Variants in FCRL5 observed in about 807,000 individuals in gnomAD.
FCRL5 encodes Fc receptor like 5, also known as Fc receptor-like protein 5.
In FCRL5, 79 loss-of-function variants were observed where a neutral mutation model predicts 92.1. The ratio of observed to expected loss-of-function variants is 0.86; its 90% confidence interval spans 0.72 to 1.03. The LOEUF (loss-of-function observed/expected upper bound fraction) is 1.03. FCRL5 is among the 50% of genes least tolerant of loss of function. FCRL5 has a pLI of 0.00. For synonymous variants in FCRL5, 466 were observed against 469.3 expected, an observed-to-expected ratio of 0.99 and a Z score of 0.09; for missense variants, 1,160 against 1,181.1, an observed-to-expected ratio of 0.98 and a Z score of 0.26.
chr1:157,552,308 C>T (rs1651857070), intron 1 of FCRL5, 24 bp downstream of exon 1: 2 of 1,613,236 alleles, frequency 1.2e-6, no homozygotes, highest in South Asian at 2.2e-5. Context: ...CCACCCAGGG[C>T]CCATGGTGAG....
rs767516344 is a variant in FCRL5, at chr1:157,527,860, G to A, written c.1717C>T (p.Pro573Ser). 91 of 1,606,290 alleles carry A rather than the reference G, an allele frequency of 5.7e-5. No homozygotes were observed. The highest frequency in any genetic ancestry group is 3.3e-4 in the Middle Eastern group (2 of 6,024). The change falls in exon 9 of 17, where the codon CCC (proline) becomes TCC (serine). Residue 573 changes from proline (P) to serine (S), a missense_variant. By Grantham distance (74) the Pro-to-Ser change is moderately conservative. Transcript: ENST00000361835. Reference sequence around the variant, plus strand: ...TCCCCCACCACAGCCTGGGCCCTGGGAACCCTGAGGGTGAGGATGGGGCGA... The same window carrying A: ...TCCCCCACCACAGCCTGGGCCCTGGAAACCCTGAGGGTGAGGATGGGGCGA... ...VSRPILTLRV[P>S]RAQAVVGDLL...
intron 12 of FCRL5, 146 bp downstream of exon 12, chr1:157,520,285 G>A: frequency 1.6e-6 from 1 of 632,616 alleles, no homozygotes; most frequent in Non-Finnish European, 2.8e-6. Context: ...CAATTCGGGA[G>A]GACCCAGCGG....
chr1:157,516,917 C>T (rs530461912), intron 15 of FCRL5, among the ~76,000 whole-genome samples: 28 of 152,308 alleles, frequency 1.8e-4, no homozygotes, highest in African/African-American at 6.3e-4. Flanking sequence ...CAGCGCATAC[C>T]TCAAAGGGGC....
chr1:157,524,687 A>G, intron 9 of FCRL5, 130 bp from the exon 10 acceptor site: 2 of 1,032,314 alleles, frequency 1.9e-6, no homozygotes, highest in South Asian at 3.7e-5. Context: ...AAAACTCAGC[A>G]ATATTTTCAG....
At chr1:157,524,722 G>A (rs1363674418) in intron 9 of FCRL5, among the ~76,000 whole-genome samples, 165 bp from the exon 10 acceptor site, 1 of 152,234 alleles carries the variant, frequency 6.6e-6, no homozygotes, top group Non-Finnish European at 1.5e-5. Context: ...CAACATTTGT[G>A]TAGTGCTATA....
chr1:157,541,329 A>C (rs1258700133), intron 6 of FCRL5, among the ~76,000 whole-genome samples: 1 of 152,120 alleles, frequency 6.6e-6, no homozygotes, highest in Non-Finnish European at 1.5e-5. Flanking sequence ...TCTATGACTC[A>C]TTTCTCACTG....
At chr1:157,524,632 G>T in intron 9 of FCRL5, 75 bp from the exon 10 acceptor site, 1 of 1,454,362 alleles carries the variant, frequency 6.9e-7, no homozygotes, top group Non-Finnish European at 9.2e-7. Flanking sequence ...CATTTCAAAT[G>T]GAAGAATGTT....
chr1:157,549,454 C>A, intron 2 of FCRL5, 106 bp downstream of exon 2: 5 of 1,024,570 alleles, frequency 4.9e-6, no homozygotes, highest in East Asian at 2.5e-5. Flanking sequence ...GGAAAGAAAA[C>A]AGGAGATATT....
chr1:157,544,948 T>G lies in FCRL5; in HGVS notation c.442A>C (p.Arg148=), dbSNP rs1430192851. 1 of 1,614,246 alleles carries G rather than the reference T, an allele frequency of 6.2e-7. No individual in the cohort carries two copies. Among genetic ancestry groups the G allele is most frequent in the Admixed American group, 1.7e-5 (1 of 60,026 alleles). ...GCATGAGGAATATGGAAGTCAGTTC[T>G]TTTATTAAGGAATGCCAGGACATTA... is the stretch of plus-strand genomic sequence containing the variant. ...NDNVLAFLNK[R]TDFHIPHACL... The change falls in exon 4 of 17, where the codon AGA becomes CGA. Residue 148 remains arginine, a synonymous_variant. Transcript: ENST00000361835.
chr1:157,542,828 G>T lies in FCRL5; in HGVS notation c.1123+31C>A, dbSNP rs761331298. 5.6e-6 allele frequency: 9 copies of T among 1,596,024 alleles called. No homozygotes were observed. In the African/African-American group the frequency reaches 9.4e-5, roughly 17 times the overall value. On this transcript the variant is annotated intron_variant, in intron 6 of 16. Transcript: ENST00000361835. ...GGGTGAGGCAGGACTCTTGGCCAGG[G>T]GTGGGTGATTGGCAGGAATGCAGGG... is the stretch of plus-strand genomic sequence containing the variant.
Position 157,543,148 on chromosome 1 carries a change from G to T in FCRL5, c.845-11C>A. 1.2e-6 allele frequency: 2 copies of T among 1,607,546 alleles called. No individual in the cohort carries two copies. The highest frequency in any genetic ancestry group is 2.2e-5 in the South Asian group (2 of 90,482). On this transcript the variant is annotated splice_polypyrimidine_tract_variant and intron_variant, in intron 5 of 16. Coordinates refer to ENST00000361835, the MANE Select transcript of FCRL5 (RefSeq NM_031281.3). Reference sequence around the variant, plus strand: ...GATGAGATGCAGGGACTGAGCAAGAGAAAAAATTAGTCAAGAATTGCTTTT... The same window carrying T: ...GATGAGATGCAGGGACTGAGCAAGATAAAAAATTAGTCAAGAATTGCTTTT...
intron 3 of FCRL5, chr1:157,546,196 C>T (rs1383706833): frequency 4.6e-6 from 2 of 438,470 alleles, no homozygotes; most frequent in South Asian, 3.3e-5. Flanking sequence ...ACCTGTAATC[C>T]CAGCGCTTTG....
chr1:157,548,237 C>T (rs557820753), intron 2 of FCRL5, among the ~76,000 whole-genome samples: 28 of 152,336 alleles, frequency 1.8e-4, no homozygotes, highest in East Asian at 3.9e-4. Context: ...TATCCTGGCC[C>T]TTGGACGATG....
chr1:157,527,690 A>G lies in FCRL5; in HGVS notation c.1887T>C (p.Ser629=). The part of the protein sequence containing the change: ...SFNLSLTAEH[S]GNYSCEANNG... ...TGTTGGCCTCACATGAGTAGTTTCC[A>G]GAATGTTCTGCAGTCAGAGAGAGGT... The change falls in exon 9 of 17, where the codon TCT becomes TCC. Residue 629 remains serine, a synonymous_variant. Transcript: ENST00000361835. 1 of 1,614,218 alleles carries G rather than the reference A, an allele frequency of 6.2e-7. No homozygotes were observed. The highest frequency in any genetic ancestry group is 8.5e-7 in the Non-Finnish European group (1 of 1,180,012).
chr1:157,519,931 A>G (rs1650099216), intron 12 of FCRL5, among the ~76,000 whole-genome samples, 161 bp from the exon 13 acceptor site: 1 of 152,146 alleles, frequency 6.6e-6, no homozygotes, highest in South Asian at 2.1e-4. Flanking sequence ...GGCAAAAACT[A>G]CTGACCCTGC....
rs1402543766 is a variant in FCRL5 at position 157,518,693 on chromosome 1, G to A, written c.2743+7C>T. 5 of 1,608,356 alleles carry A rather than the reference G, an allele frequency of 3.1e-6. No homozygotes were observed. The highest frequency in any genetic ancestry group is 1.3e-5 in the African/African-American group (1 of 74,688). ...CTTCTGCCAAATGCAGGATCCTCGG[G>A]CCTCACCATTAGTGTACACTGGTTG... On this transcript the variant is annotated splice_region_variant and intron_variant, in intron 14 of 16. Transcript: ENST00000361835.
rs201681764 is a variant in FCRL5, at chr1:157,519,742, C to T, written c.2660+1G>A. On this transcript the variant is annotated splice_donor_variant, in intron 13 of 16. Coordinates refer to ENST00000361835, the MANE Select transcript of FCRL5 (RefSeq NM_031281.3). LOFTEE classifies it high-confidence loss of function. ...ACACAGGAATGCAGCTCAGCTCTTA[C>T]CTGGCGGGGTCAGAGGCAGGCTTTC... The T allele has an allele frequency of 3.9e-5, 63 of 1,614,024 alleles. 1 individual carries two copies. In the East Asian group the frequency reaches 1.4e-3, roughly 35 times the overall value.
chr1:157,549,382 A>C (rs1177368840), intron 2 of FCRL5, among the ~76,000 whole-genome samples, 178 bp downstream of exon 2: 4 of 152,120 alleles, frequency 2.6e-5, no homozygotes, highest in African/African-American at 9.7e-5. Context: ...ACATGTATAC[A>C]TATATAACAA....
At chr1:157,516,680 G>A (rs1458018000) in intron 15 of FCRL5, among the ~76,000 whole-genome samples, 1 of 152,186 alleles carries the variant, frequency 6.6e-6, no homozygotes, top group African/African-American at 2.4e-5. Context: ...AATTATTATT[G>A]TTATATTATC....
Sources: allele counts gnomAD v4.1 joint callset (sites outside exome capture counted in the v4.1 genomes callset), GRCh38; gene constraint gnomAD v4.1.1; transcripts MANE v1.5; gene names NCBI Gene and HGNC (gene_info 2026-07-23, HGNC 2026-07-21).